CCDC7: variants seen among roughly 807,000 people sequenced by gnomAD.
CCDC7 encodes the protein coiled-coil domain-containing protein 7.
Under a neutral mutation model 196.9 loss-of-function variants are expected in CCDC7, and 183 were observed. The ratio of observed to expected loss-of-function variants is 0.93; its 90% CI spans 0.82 to 1.05. The LOEUF (loss-of-function observed/expected upper bound fraction) is 1.05, where lower values mean the gene tolerates loss of function less well. CCDC7 is among the 50% of genes least tolerant of loss of function. CCDC7 has a pLI of 0.00. For missense variants in CCDC7, 1,540 were observed against 1,482.2 expected, an observed-to-expected ratio of 1.04 and a Z score of -0.64; for synonymous variants, 525 against 484.6, an observed-to-expected ratio of 1.08 and a Z score of -1.10.
At chr10:32,656,779 C>A (rs998229074) in intron 20 of CCDC7, among the ~76,000 whole-genome samples, 1 of 152,172 alleles carries the variant, frequency 6.6e-6, no homozygotes, top group Non-Finnish European at 1.5e-5. Flanking sequence ...TTCCAACAGT[C>A]CCCCAAAGTC....
chr10:32,657,611 G>C (rs564668710), intron 20 of CCDC7, among the ~76,000 whole-genome samples: 1 of 152,298 alleles, frequency 6.6e-6, no homozygotes, highest in East Asian at 1.9e-4. Flanking sequence ...ACCTGGGCCT[G>C]ATCCAGGAAA....
chr10:32,518,494 A>G, exon 11 of CCDC7: 1 of 1,606,884 alleles, frequency 6.2e-7, no homozygotes, highest in Non-Finnish European at 8.5e-7. Context: ...ACAAAAGTTG[A>G]AGGACAAAGA....
chr10:32,519,154 G>A (rs2047499602), intron 11 of CCDC7, among the ~76,000 whole-genome samples: 1 of 152,062 alleles, frequency 6.6e-6, no homozygotes, highest in Admixed American at 6.6e-5. Flanking sequence ...GTCTTACACA[G>A]GTGTCAAATA....
At chr10:32,490,192 A>G (rs544592748) in intron 8 of CCDC7, among the ~76,000 whole-genome samples, 1 of 151,964 alleles carries the variant, frequency 6.6e-6, no homozygotes, top group South Asian at 2.1e-4. Context: ...TTGCTTTACT[A>G]TCTTGCTGCA....
chr10:32,623,425 A>AT (rs147050499), intron 18 of CCDC7, among the ~76,000 whole-genome samples: 7,939 of 152,136 alleles, frequency 0.052, 683 homozygotes, highest in African/African-American at 0.18. Flanking sequence ...TATAAATGCC[A>AT]TTTTTTAATA....
chr10:32,815,047 C>A (rs1372759867), intron 31 of CCDC7, among the ~76,000 whole-genome samples: 1 of 152,066 alleles, frequency 6.6e-6, no homozygotes, highest in Non-Finnish European at 1.5e-5. Context: ...CACACACATA[C>A]ACAAACACCC....
chr10:32,814,956 CA>C (rs376199771), intron 31 of CCDC7, among the ~76,000 whole-genome samples: 11 of 152,134 alleles, frequency 7.2e-5, no homozygotes, highest in African/African-American at 2.6e-4. Flanking sequence ...TTTGCATGCC[CA>C]AGGAGATGCC....
intron 29 of CCDC7, among the ~76,000 whole-genome samples, chr10:32,781,148 G>C (rs527471267): frequency 1.3e-5 from 2 of 152,204 alleles, no homozygotes; most frequent in African/African-American, 4.8e-5. Context: ...TAATTAAGAT[G>C]AATACTGAAT....
chr10:32,824,688 C>T, intron 32 of CCDC7, 84 bp downstream of exon 33: 1 of 789,790 alleles, frequency 1.3e-6, no homozygotes, highest in Non-Finnish European at 2.0e-6. Flanking sequence ...ACAACAGTAC[C>T]TATATGTAAT....
chr10:32,694,851 A>G, intron 23 of CCDC7, 28 bp from the exon 25 acceptor site: 1 of 1,343,328 alleles, frequency 7.4e-7, no homozygotes, highest in Non-Finnish European at 1.0e-6. Flanking sequence ...TTTTTCCATT[A>G]AGAGACTAAA....
chr10:32,677,457 A>G (rs1380419720), intron 21 of CCDC7, among the ~76,000 whole-genome samples: 1 of 152,036 alleles, frequency 6.6e-6, no homozygotes, highest in African/African-American at 2.4e-5. Context: ...CTGGAAAAGT[A>G]TCTATGCTTA....
chr10:32,629,015 T>C (rs982808308), intron 18 of CCDC7, among the ~76,000 whole-genome samples: 3 of 152,192 alleles, frequency 2.0e-5, no homozygotes, highest in Non-Finnish European at 2.9e-5. Flanking sequence ...TTAGGTTCGC[T>C]TGATCTAAAG....
chr10:32,457,781 A>G (rs2034677714), intron 3 of CCDC7, among the ~76,000 whole-genome samples: 1 of 152,150 alleles, frequency 6.6e-6, no homozygotes, highest in Admixed American at 6.5e-5. Context: ...CCTGATGATT[A>G]GTGATGATGA....
exon 34 of CCDC7, chr10:32,845,312 T>C: frequency 6.4e-7 from 1 of 1,568,524 alleles, no homozygotes; most frequent in East Asian, 2.3e-5. Flanking sequence ...AATGCACAAC[T>C]AAAGGGTCAC....
At chr10:32,666,580 A>C (rs535889212) in intron 21 of CCDC7, among the ~76,000 whole-genome samples, 5 of 139,526 alleles carry the variant, frequency 3.6e-5, no homozygotes, top group Admixed American at 3.1e-4. Flanking sequence ...CCTGTGTCCA[A>C]GTGTTCTCAT....
intron 18 of CCDC7, among the ~76,000 whole-genome samples, chr10:32,603,737 C>T (rs1440716500): frequency 6.6e-6 from 1 of 151,674 alleles, no homozygotes; most frequent in East Asian, 1.9e-4. Context: ...TATTTGCTGC[C>T]TGCTTGTATG....
At chr10:32,682,860 A>G (rs1007005683) in intron 21 of CCDC7, among the ~76,000 whole-genome samples, 28 of 152,024 alleles carry the variant, frequency 1.8e-4, no homozygotes, top group African/African-American at 6.8e-4. Flanking sequence ...TTGCTTGTTG[A>G]TTAGTTTAAA....
At chr10:32,711,893 A>G (rs1480049393) in intron 25 of CCDC7, among the ~76,000 whole-genome samples, 163 bp downstream of exon 26, 3 of 152,200 alleles carry the variant, frequency 2.0e-5, no homozygotes, top group Admixed American at 6.5e-5. Flanking sequence ...AGATAATGAT[A>G]TGTTTTGGTT....
At chr10:32,525,688 T>G (rs2048556470) in intron 11 of CCDC7, among the ~76,000 whole-genome samples, 1 of 152,208 alleles carries the variant, frequency 6.6e-6, no homozygotes. Context: ...TGTCTGTCCT[T>G]CTTGTGAAGA....
Sources: gnomAD v4.1 joint callset for allele counts (sites outside exome capture counted in the v4.1 genomes callset) on GRCh38, gnomAD v4.1.1 for gene constraint, MANE v1.5 for transcripts, NCBI Gene and HGNC (gene_info 2026-07-23, HGNC 2026-07-21) for gene names.